DOT1L: variants seen among roughly 807,000 people sequenced by gnomAD.
The protein encoded by DOT1L is DOT1 like histone lysine methyltransferase.
DOT1L carries 33 observed loss-of-function variants against 153.3 expected under a neutral mutation model. The ratio of observed to expected loss-of-function variants is 0.22; its 90% CI spans 0.16 to 0.29. The LOEUF is 0.29. DOT1L is among the 10% of genes least tolerant of loss of function. The probability of loss-of-function intolerance (pLI) is 1.00; values close to 1 mark genes in which losing one functional copy is unlikely to be tolerated. For missense variants in DOT1L, 1,847 were observed against 2,119.9 expected (o/e 0.87, Z 2.53); for synonymous variants, 1,135 against 965.1 (o/e 1.18, Z -3.26).
At chr19:2,189,833 G>A in intron 4 of DOT1L, 38 bp downstream of exon 4, 2 of 1,608,080 alleles carry the variant, frequency 1.2e-6, no homozygotes, top group Non-Finnish European at 1.7e-6. Flanking sequence ...GGTTAGTAGT[G>A]CCAGGCTCCC....
At chr19:2,166,118 C>T (rs1298923289) in intron 1 of DOT1L, among the ~76,000 whole-genome samples, 2 of 149,040 alleles carry the variant, frequency 1.3e-5, no homozygotes, top group Non-Finnish European at 3.0e-5. Flanking sequence ...TTTTTGGAGT[C>T]GGAGTTTCGC....
At chr19:2,175,007 T>A (rs1179105180) in intron 1 of DOT1L, among the ~76,000 whole-genome samples, 1,282 of 79,102 alleles carry the variant, frequency 0.016, 17 homozygotes, top group Middle Eastern at 0.045. Flanking sequence ...TATATATATT[T>A]TTTTTTTTTT....
intron 1 of DOT1L, among the ~76,000 whole-genome samples, chr19:2,180,148 G>A (rs1030687420): frequency 7.9e-5 from 12 of 152,296 alleles, no homozygotes; most frequent in African/African-American, 2.9e-4. Flanking sequence ...GGCCGCCCAC[G>A]TGGGCTAGCC....
At chr19:2,187,696 A>G (rs140963757) in intron 3 of DOT1L, among the ~76,000 whole-genome samples, 1,825 of 152,182 alleles carry the variant, frequency 0.012, 12 homozygotes, top group African/African-American at 0.017. Context: ...GCCGAGGCGG[A>G]TGGATCACGA....
At chr19:2,172,374 A>G (rs563573554) in intron 1 of DOT1L, among the ~76,000 whole-genome samples, 133 of 150,988 alleles carry the variant, frequency 8.8e-4, no homozygotes, top group Non-Finnish European at 1.5e-3. Context: ...TATTTTTAGC[A>G]GAGATGGGGT....
rs2024175096 is a variant in DOT1L, at chr19:2,222,775, C to CT, written c.3390+217dup. 3.6e-6 allele frequency: 2 copies of CT among 554,980 alleles called. No homozygotes were observed. The highest frequency in any genetic ancestry group is 6.2e-6 in the Non-Finnish European group (2 of 323,750). The allele number at this position is 554,980 out of a possible 1,614,324, so 34.4% of individuals were successfully genotyped here. On this transcript the variant is annotated intron_variant, in intron 24 of 27. Transcript: ENST00000398665. The surrounding 1 kb of genome is among the most constrained non-coding windows in gnomAD (Gnocchi z 6.5). ...ATTAGCCGGGCGTGGTGGCGGGTGC[C>CT]TGGGAGGCTGAGGCAGGAGAATGAT...
chr19:2,185,188 G>A (rs1025727930), intron 2 of DOT1L, among the ~76,000 whole-genome samples: 3 of 152,170 alleles, frequency 2.0e-5, no homozygotes, highest in Admixed American at 1.3e-4. Flanking sequence ...ACAGGTGTGA[G>A]CCACCGCACC....
intron 3 of DOT1L, among the ~76,000 whole-genome samples, chr19:2,186,841 C>G (rs1318758645): frequency 1.3e-5 from 2 of 152,226 alleles, no homozygotes; most frequent in South Asian, 2.1e-4. Flanking sequence ...CTCGCCACCC[C>G]CCCTCATTGG....
At chr19:2,173,779 C>T (rs113983278) in intron 1 of DOT1L, among the ~76,000 whole-genome samples, 2,171 of 152,312 alleles carry the variant, frequency 0.014, 32 homozygotes, top group Non-Finnish European at 0.022. Context: ...TGCCTCACTA[C>T]GCACTTCAAG....
At chr19:2,215,500 T>C (rs188600105) in intron 19 of DOT1L, 1 of 152,514 alleles carries the variant, frequency 6.6e-6, no homozygotes, top group African/African-American at 2.4e-5. Flanking sequence ...TCACCTTACG[T>C]GTCCCCAGCG....
Position 2,208,827 on chromosome 19 carries a change from C to A in DOT1L, c.964-108C>A. 1 of 1,166,632 alleles carries A rather than the reference C, an allele frequency of 8.6e-7. No homozygotes were observed. The highest frequency in any genetic ancestry group is 1.2e-6 in the Non-Finnish European group (1 of 810,554). 72.3% of individuals were successfully genotyped at this position (1,166,632 alleles called of 1,614,324 possible). A position where few individuals can be genotyped will look rare whatever the true frequency, so the allele number is the denominator to read the frequency against. The stretch of plus-strand genomic sequence containing the variant: ...TGCCTGCTGTCCCCAGATACCAGAA[C>A]AGCCTCCCCAGCCACTGTCCAGGTT... On this transcript the variant is annotated intron_variant, in intron 11 of 27. Coordinates refer to ENST00000398665, the MANE Select transcript of DOT1L (RefSeq NM_032482.3). The surrounding 1 kb of genome is among the most constrained non-coding windows in gnomAD (Gnocchi z 4.4).
chr19:2,171,553 G>A (rs1184177939), intron 1 of DOT1L, among the ~76,000 whole-genome samples: 1 of 152,212 alleles, frequency 6.6e-6, no homozygotes, highest in African/African-American at 2.4e-5. Flanking sequence ...CCCCACCACC[G>A]AGGGCGGGCC....
intron 1 of DOT1L, among the ~76,000 whole-genome samples, chr19:2,171,265 A>G (rs1163761239): frequency 6.6e-6 from 1 of 152,194 alleles, no homozygotes; most frequent in East Asian, 1.9e-4. Flanking sequence ...CTCCAGGGGA[A>G]GGACTGCGAG....
Position 2,211,144 on chromosome 19 carries a change from G to C in DOT1L, c.1397G>C (p.Ser466Thr). 1.9e-6 allele frequency: 3 copies of C among 1,612,992 alleles called. No individual in the cohort carries two copies. Among genetic ancestry groups the C allele is most frequent in the Non-Finnish European group, 2.5e-6 (3 of 1,179,794 alleles). The change falls in exon 15 of 28, where the codon AGC becomes ACC. Residue 466 changes from serine (S) to threonine (T), a missense_variant. By Grantham distance (58) the Ser-to-Thr change is moderately conservative (BLOSUM62 1). Coordinates refer to ENST00000398665, the MANE Select transcript of DOT1L (RefSeq NM_032482.3). ...AGCCCGTTCTACCAGCTACCTCCGA[G>C]CGTGCAGCGGCACTCCCCCAACCCG... ...PHSPFYQLPP[S>T]VQRHSPNPLL...
intron 9 of DOT1L, among the ~76,000 whole-genome samples, chr19:2,205,400 C>T (rs1373183889): frequency 6.6e-6 from 1 of 152,192 alleles, no homozygotes; most frequent in East Asian, 1.9e-4. Context: ...CCCATAGTGG[C>T]TGGTGATAGT....
intron 1 of DOT1L, among the ~76,000 whole-genome samples, chr19:2,170,214 T>C (rs2020073460): frequency 6.6e-6 from 1 of 152,200 alleles, no homozygotes; most frequent in Admixed American, 6.5e-5. Context: ...CAAATCACTC[T>C]TGGTGTTACA....
intron 9 of DOT1L, among the ~76,000 whole-genome samples, chr19:2,205,057 G>A (rs1396691432): frequency 2.6e-5 from 4 of 151,860 alleles, no homozygotes; most frequent in African/African-American, 7.3e-5. Flanking sequence ...TGCAAGCTCC[G>A]CCTCCCAGGT....
chr19:2,204,114 TCTGTGTCTCTGTGCATGC>T lies in DOT1L; in HGVS notation c.787+1349_787+1366del, dbSNP rs1480983013. ...GTGTGCCTGTGTCTGTGTGTGCGTG[TCTGTGTCTCTGTGCATGC>T]CTGTGTCTCTGTGTGTGCCCGTGTG... is the stretch of plus-strand genomic sequence containing the variant. On this transcript the variant is annotated intron_variant, in intron 9 of 27. Transcript: ENST00000398665. The surrounding 1 kb of genome is among the most constrained non-coding windows in gnomAD (Gnocchi z 5.7). Among the ~76,000 whole-genome samples the T allele has an allele frequency of 6.6e-6, 1 of 151,934 alleles. No individual in the cohort carries two copies. The highest frequency in any genetic ancestry group is 1.5e-5 in the Non-Finnish European group (1 of 67,988).
Position 2,211,162 on chromosome 19 carries a change from C to A in DOT1L, c.1415C>A (p.Pro472His), listed in dbSNP as rs1404201020. ...CCTCCGAGCGTGCAGCGGCACTCCCCCAACCCGCTGCTGGTGGCGCCCACC... is the reference window on the plus strand; with the variant it reads ...CCTCCGAGCGTGCAGCGGCACTCCCACAACCCGCTGCTGGTGGCGCCCACC... ...QLPPSVQRHS[P>H]NPLLVAPTPP... Residue 472 changes from proline (P) to histidine (H), a missense_variant, in exon 15 of 28, where the codon CCC becomes CAC. Coordinates refer to ENST00000398665, the MANE Select transcript of DOT1L (RefSeq NM_032482.3). The A allele has an allele frequency of 1.9e-6, 3 of 1,612,554 alleles. No homozygotes were observed. Among genetic ancestry groups the A allele is most frequent in the African/African-American group, 2.7e-5 (2 of 74,928 alleles).
Sources: gnomAD v4.1 joint callset for allele counts (sites outside exome capture counted in the v4.1 genomes callset) on GRCh38, gnomAD v4.1.1 for gene constraint, Gnocchi (gnomAD v3.1) non-coding constraint, MANE v1.5 for transcripts, NCBI Gene and HGNC (gene_info 2026-07-23, HGNC 2026-07-21) for gene names.